The following SPART variants were observed in gnomAD, a reference collection of about 807,000 sequenced individuals.
SPART encodes spastic paraplegia 20 (Troyer syndrome).
Under a neutral mutation model 58.7 loss-of-function variants are expected in SPART, and 35 were observed. The observed-to-expected ratio is 0.60, with a 90% CI of 0.46 to 0.79. The LOEUF is 0.79. Ranked by LOEUF, SPART falls within the 30% of genes least tolerant of loss-of-function variation. SPART has a pLI of 0.00. For missense variants in SPART, 730 were observed against 786.1 expected (o/e 0.93, Z 0.85); for synonymous variants, 284 against 280.7 (o/e 1.01, Z -0.12).
rs527855066 is a variant in SPART, at chr13:36,343,687, G to A, written c.-3+2538C>T. Among the ~76,000 whole-genome samples the A allele has an allele frequency of 2.0e-5, 3 of 152,290 alleles. No individual in the cohort carries two copies. The East Asian group carries it at 5.8e-4, about 29-fold the overall frequency. On this transcript the variant is annotated intron_variant, in intron 1 of 8. Transcript: ENST00000438666. Reference sequence around the variant, plus strand: ...GGACATGGTCTGTCTCTGGCCCTCAGAAGCACCAAAATTTACTATCTTTTG... The same window carrying A: ...GGACATGGTCTGTCTCTGGCCCTCAAAAGCACCAAAATTTACTATCTTTTG...
chr13:36,311,945 G>T (rs1411024226), intron 8 of SPART, among the ~76,000 whole-genome samples, 200 bp downstream of exon 8: 1 of 152,022 alleles, frequency 6.6e-6, no homozygotes, highest in Non-Finnish European at 1.5e-5. Context: ...AAATTAGCCG[G>T]GCATGGTGGC....
intron 8 of SPART, among the ~76,000 whole-genome samples, chr13:36,310,434 G>A (rs1205009130): frequency 6.6e-6 from 1 of 151,960 alleles, no homozygotes; most frequent in Non-Finnish European, 1.5e-5. Flanking sequence ...GGAGCTAAAA[G>A]CAGAAGACCC....
Position 36,304,402 on chromosome 13 carries a change from G to A in SPART, c.1964C>T (p.Thr655Met), listed in dbSNP as rs140800614. The change falls in exon 9 of 9, where the codon ACG becomes ATG. Residue 655 changes from threonine (T) to methionine (M), a missense_variant. By Grantham distance (81) the Thr-to-Met change is moderately conservative. Transcript: ENST00000438666. ...VNVRGEKDEQ[T>M]KEVKEAKKKD... ...CTTCTTTGCCTCCTTTACTTCCTTC[G>A]TCTGCTCATCCTTCTCCCCTCTCAC... The A allele has an allele frequency of 9.3e-6, 15 of 1,613,500 alleles. No individual in the cohort carries two copies. Among genetic ancestry groups the A allele is most frequent in the Middle Eastern group, 1.6e-4 (1 of 6,082 alleles).
chr13:36,315,530 A>G (rs1881603109), intron 5 of SPART, among the ~76,000 whole-genome samples: 1 of 152,190 alleles, frequency 6.6e-6, no homozygotes, highest in South Asian at 2.1e-4. Flanking sequence ...TAACAATGAA[A>G]AGTGACATGT....
At chr13:36,317,515 T>C (rs1322003294) in intron 5 of SPART, among the ~76,000 whole-genome samples, 4 of 29,422 alleles carry the variant, frequency 1.4e-4, no homozygotes, top group Non-Finnish European at 2.0e-4. Context: ...CCCCGACCCC[T>C]TATTTCCGTG....
At chr13:36,312,639 T>C (rs1881254131) in intron 6 of SPART, 162 bp from the exon 7 acceptor site, 2 of 812,196 alleles carry the variant, frequency 2.5e-6, no homozygotes, top group Non-Finnish European at 3.8e-6. Flanking sequence ...GGTCTCACTA[T>C]GTTGCCCAGG....
intron 8 of SPART, among the ~76,000 whole-genome samples, chr13:36,307,287 A>G (rs1335962580): frequency 2.6e-5 from 4 of 152,262 alleles, no homozygotes; most frequent in South Asian, 2.1e-4. Context: ...CAAAACTACA[A>G]TTGAACCAGA....
intron 1 of SPART, among the ~76,000 whole-genome samples, chr13:36,353,597 C>G (rs1326768446): frequency 6.6e-6 from 1 of 152,084 alleles, no homozygotes; most frequent in African/African-American, 2.4e-5. Context: ...GTATAAGGAA[C>G]TGGGCTTTGC....
intron 1 of SPART, among the ~76,000 whole-genome samples, chr13:36,337,090 T>TG (rs1458634334): frequency 2.0e-5 from 3 of 152,224 alleles, no homozygotes; most frequent in Admixed American, 1.3e-4. Context: ...GGGTGTACAG[T>TG]GGTCCCCACT....
intron 5 of SPART, among the ~76,000 whole-genome samples, chr13:36,321,191 G>A (rs1882343460): frequency 6.6e-6 from 1 of 152,100 alleles, no homozygotes. Flanking sequence ...ACTATCTTCT[G>A]TCTACTCATA....
intron 1 of SPART, among the ~76,000 whole-genome samples, chr13:36,337,603 A>G (rs959380095): frequency 6.6e-6 from 1 of 152,182 alleles, no homozygotes; most frequent in Admixed American, 6.5e-5. Flanking sequence ...AAGTTTCCTG[A>G]GGCCTCCCCA....
In SPART at chr13:36,362,220, G is replaced by A. The variant is rs139392891; in HGVS notation, c.-3+7869C>T. Among the ~76,000 whole-genome samples, 649 of 151,968 alleles carry A rather than the reference G, an allele frequency of 4.3e-3. 4 individuals are homozygous for A. Among genetic ancestry groups the A allele is most frequent in the African/African-American group, 0.014 (597 of 41,420 alleles). ...ACAAAAATTAGCTGGGCATGGTGGC[G>A]CACGCCTGTAATCCCAGCTATTCAG... is the stretch of plus-strand genomic sequence containing the variant. On this transcript the variant is annotated intron_variant, in intron 1 of 8. Transcript: ENST00000355182.
chr13:36,325,194 G>A (rs1452770190), intron 5 of SPART, among the ~76,000 whole-genome samples: 1 of 152,168 alleles, frequency 6.6e-6, no homozygotes, highest in Non-Finnish European at 1.5e-5. Context: ...TAACAAGCAA[G>A]TTTTCTGAAT....
At chr13:36,348,005 G>T (rs1037205918), upstream of SPART, among the ~76,000 whole-genome samples, 8 of 152,076 alleles carry the variant, frequency 5.3e-5, no homozygotes, top group African/African-American at 1.9e-4. Flanking sequence ...GCAAATATTG[G>T]CCAGGCTTGG....
At chr13:36,313,993 T>C in intron 6 of SPART, 1 of 548,346 alleles carries the variant, frequency 1.8e-6, no homozygotes, top group Non-Finnish European at 3.2e-6. Context: ...AAATGCAGAT[T>C]CTGAATCAGT....
Position 36,366,461 on chromosome 13 carries a change from C to T in SPART, c.-3+3628G>A, listed in dbSNP as rs148567334. On this transcript the variant is annotated intron_variant, in intron 1 of 8. Coordinates refer to the SPART transcript ENST00000355182. ...ATATTTCTCTCCCTATTTCAACTTC[C>T]TGCCTCCATAGAAACAGTTTTCTGG... 1.4e-3 allele frequency among the ~76,000 whole-genome samples: 215 copies of T among 152,276 alleles called. 2 individuals are homozygous for T. In the South Asian group the frequency reaches 0.018, roughly 13 times the overall value.
chr13:36,347,703 A>T (rs4941834), upstream of SPART, among the ~76,000 whole-genome samples: 40 of 152,264 alleles, frequency 2.6e-4, no homozygotes, highest in Middle Eastern at 3.4e-3. Context: ...CTATGACTGT[A>T]TTCTCACTTC....
chr13:36,314,157 G>C, intron 6 of SPART, 70 bp downstream of exon 6: 1 of 1,440,512 alleles, frequency 6.9e-7, no homozygotes, highest in Non-Finnish European at 9.6e-7. Flanking sequence ...TGAACATGCA[G>C]ATTAACCCTG....
At chr13:36,342,112 C>G (rs1281807301) in intron 1 of SPART, among the ~76,000 whole-genome samples, 1 of 152,206 alleles carries the variant, frequency 6.6e-6, no homozygotes, top group Non-Finnish European at 1.5e-5. Context: ...AACACTGTGA[C>G]TTGGCACCCA....
Sources: gnomAD v4.1 joint callset for allele counts (sites outside exome capture counted in the v4.1 genomes callset) on GRCh38, gnomAD v4.1.1 for gene constraint, MANE v1.5 for transcripts, NCBI Gene and HGNC (gene_info 2026-07-23, HGNC 2026-07-21) for gene names.